Variants in NLRP14 observed in about 807,000 individuals in gnomAD.
NLRP14 encodes the protein NACHT, LRR and PYD domains-containing protein 14.
A neutral mutation model predicts 94.7 loss-of-function variants in NLRP14; 105 were observed. The ratio of observed to expected loss-of-function variants is 1.11; its 90% CI spans 0.95 to 1.30. The LOEUF (loss-of-function observed/expected upper bound fraction) is 1.30. Ranked by LOEUF, NLRP14 falls within the 50% of genes most tolerant of loss-of-function variation. The pLI is 0.00. For synonymous variants in NLRP14, 508 were observed against 459.9 expected (o/e 1.10, Z -1.34); for missense variants, 1,362 against 1,254.1 (o/e 1.09, Z -1.30).
At chr11:7,027,841 G>A (rs1852036220) in intron 1 of NLRP14, among the ~76,000 whole-genome samples, 1 of 152,180 alleles carries the variant, frequency 6.6e-6, no homozygotes, top group African/African-American at 2.4e-5. Context: ...TTGATTTCAA[G>A]CATTTGGTAC....
the NLRP14 span, among the ~76,000 whole-genome samples, chr11:7,083,941 T>C: frequency 6.6e-6 from 1 of 152,354 alleles, no homozygotes; most frequent in South Asian, 2.1e-4. Flanking sequence ...GTCAGGCCAT[T>C]GGTCACCATC....
At chr11:7,089,361 G>A in the NLRP14 span, 4 of 1,606,344 alleles carry the variant, frequency 2.5e-6, no homozygotes, top group Non-Finnish European at 8.5e-7. Flanking sequence ...GGCCATCAAG[G>A]TGGCCCAGGC....
intron 10 of NLRP14, among the ~76,000 whole-genome samples, chr11:7,068,297 G>A (rs1852737745): frequency 1.3e-5 from 2 of 151,974 alleles, no homozygotes; most frequent in Non-Finnish European, 2.9e-5. Flanking sequence ...TTCTTGAGTT[G>A]TATGCTTAGA....
At chr11:7,078,462 A>AAAAAAAAAAAG in the NLRP14 span, among the ~76,000 whole-genome samples, 78 of 88,526 alleles carry the variant, frequency 8.8e-4, 21 homozygotes, top group Admixed American at 1.1e-3. Flanking sequence ...AAAAAAAAAA[A>AAAAAAAAAAAG]CAAAAAAATT....
chr11:7,089,830 A>G, the NLRP14 span: 5 of 1,609,748 alleles, frequency 3.1e-6, no homozygotes. Flanking sequence ...TCGCCCGGAG[A>G]GTACACCCAC....
At chr11:7,053,459 A>T (rs190468192) in intron 6 of NLRP14, among the ~76,000 whole-genome samples, 1 of 116,026 alleles carries the variant, frequency 8.6e-6, no homozygotes, top group Non-Finnish European at 1.8e-5. Flanking sequence ...TCATATATAT[A>T]TGATTTAAAT....
intron 3 of NLRP14, among the ~76,000 whole-genome samples, chr11:7,040,385 T>G (rs1257137612): frequency 2.6e-5 from 4 of 152,206 alleles, no homozygotes; most frequent in Non-Finnish European, 4.4e-5. Context: ...TATTGTGAAC[T>G]GTGCATTCAA....
At chr11:7,066,357 C>T (rs1240508537) in intron 10 of NLRP14, among the ~76,000 whole-genome samples, 1 of 152,212 alleles carries the variant, frequency 6.6e-6, no homozygotes, top group East Asian at 1.9e-4. Flanking sequence ...TCTCCACATC[C>T]TCTCCAGCAT....
chr11:7,069,211 G>A (rs771165131), intron 10 of NLRP14, among the ~76,000 whole-genome samples: 1 of 152,060 alleles, frequency 6.6e-6, no homozygotes, highest in Non-Finnish European at 1.5e-5. Flanking sequence ...TTCCCCTAAG[G>A]AAGATTTTGT....
rs556453140 is a variant in NLRP14, at chr11:7,049,700, G to T, written c.2153G>T (p.Cys718Phe). The T allele has an allele frequency of 5.6e-6, 9 of 1,612,810 alleles. No homozygotes were observed. In the South Asian group the frequency reaches 9.9e-5, roughly 18 times the overall value. ...AAATTTATCACTTTCCCTGATGGTT[G>T]TCAGGATATCTCTACTTCTTTGATT... Reference protein sequence around the residue: ...LLKFITFPDGCQDISTSLIHN... With the variant: ...LLKFITFPDGFQDISTSLIHN... Residue 718 changes from cysteine to phenylalanine, a missense_variant, in exon 6 of 12, where the codon TGT (cysteine) becomes TTT (phenylalanine). Transcript: ENST00000299481.
intron 1 of NLRP14, among the ~76,000 whole-genome samples, chr11:7,024,728 A>G (rs1851991057): frequency 6.6e-6 from 1 of 152,172 alleles, no homozygotes; most frequent in Non-Finnish European, 1.5e-5. Flanking sequence ...AGCTTAGAAC[A>G]TTTGTACATT....
At chr11:7,039,436 T>G (rs1441669929) in intron 2 of NLRP14, among the ~76,000 whole-genome samples, 1 of 152,086 alleles carries the variant, frequency 6.6e-6, no homozygotes, top group Non-Finnish European at 1.5e-5. Flanking sequence ...GAAGTCAGTA[T>G]AGACAAGGAA....
rs149008179 is a variant in NLRP14, at chr11:7,041,014, T to G, written c.361+1229T>G. 1.3e-4 allele frequency among the ~76,000 whole-genome samples: 20 copies of G among 152,306 alleles called. No individual in the cohort carries two copies. In the East Asian group the frequency reaches 3.9e-3, roughly 29 times the overall value. ...TGTGATAAAAGTAAACTATTTATTA[T>G]GGGAACTTTGGAAAATACTGTAAGT... On this transcript the variant is annotated intron_variant, in intron 3 of 11. Transcript: ENST00000299481.
At chr11:7,045,091 A>G (rs1852328816) in intron 4 of NLRP14, among the ~76,000 whole-genome samples, 1 of 152,218 alleles carries the variant, frequency 6.6e-6, no homozygotes. Flanking sequence ...AAGCTGTTTC[A>G]GTACCATTAT....
At chr11:7,064,541 C>G (rs80269764) in intron 10 of NLRP14, among the ~76,000 whole-genome samples, 4,735 of 152,120 alleles carry the variant, frequency 0.031, 99 homozygotes, top group Middle Eastern at 0.068. Flanking sequence ...TCCCCTACAC[C>G]AATGAAATCA....
intron 5 of NLRP14, among the ~76,000 whole-genome samples, chr11:7,047,243 C>A (rs1329867168): frequency 1.3e-5 from 2 of 152,086 alleles, no homozygotes; most frequent in Non-Finnish European, 2.9e-5. Flanking sequence ...GTGTAAACAT[C>A]TTTATAACCA....
At chr11:7,090,523 T>G in the NLRP14 span, 21 of 618,948 alleles carry the variant, frequency 3.4e-5, no homozygotes, top group Non-Finnish European at 5.4e-5. Context: ...CAAGCTCCTG[T>G]TAAAAGTATA....
chr11:7,048,788 A>G (rs1852397443), intron 5 of NLRP14, among the ~76,000 whole-genome samples: 1 of 152,120 alleles, frequency 6.6e-6, no homozygotes. Flanking sequence ...TTCCTTTCTT[A>G]GAATGGGAGG....
chr11:7,026,189 A>T (rs1270568898), intron 1 of NLRP14, among the ~76,000 whole-genome samples: 1 of 152,216 alleles, frequency 6.6e-6, no homozygotes, highest in Non-Finnish European at 1.5e-5. Context: ...TCTGCACAGC[A>T]AAAGAAACTA....
Sources: gnomAD v4.1 joint callset for allele counts (sites outside exome capture counted in the v4.1 genomes callset) on GRCh38, gnomAD v4.1.1 for gene constraint, MANE v1.5 for transcripts, NCBI Gene and HGNC (gene_info 2026-07-23, HGNC 2026-07-21) for gene names.